Variants in LRRC3B observed in about 807,000 individuals in gnomAD.
LRRC3B encodes leucine rich repeat containing 3B, also known as leucine-rich repeat-containing protein 3B.
In LRRC3B, 2 loss-of-function variants were observed where a neutral mutation model predicts 12.8. The observed-to-expected ratio is 0.16, with a 90% CI of 0.06 to 0.49. LRRC3B has a LOEUF of 0.49. Among genes scored for constraint, LRRC3B ranks in the 20% least tolerant of loss-of-function variants. The pLI, the probability that LRRC3B is intolerant of heterozygous loss-of-function variation, is 0.96. For synonymous variants in LRRC3B, 132 were observed against 122.0 expected (o/e 1.08, Z -0.54); for missense variants, 189 against 319.4 (o/e 0.59, Z 3.11).
intron 1 of LRRC3B, among the ~76,000 whole-genome samples, chr3:26,695,600 T>G (rs2125453617): frequency 6.6e-6 from 1 of 152,286 alleles, no homozygotes; most frequent in African/African-American, 2.4e-5. Context: ...AAAAACAGGT[T>G]TATATACATG....
chr3:26,641,170 C>T (rs367576008), intron 1 of LRRC3B, among the ~76,000 whole-genome samples: 2 of 152,028 alleles, frequency 1.3e-5, no homozygotes, highest in African/African-American at 4.8e-5. Context: ...AAGAAGAAAT[C>T]GGGACTGGTG....
chr3:26,671,518 A>G (rs1055418423), intron 1 of LRRC3B, among the ~76,000 whole-genome samples: 3 of 149,116 alleles, frequency 2.0e-5, no homozygotes, highest in Non-Finnish European at 3.0e-5. Flanking sequence ...CAGCCTCCCA[A>G]GTAGCTGGGA....
chr3:26,643,071 G>T (rs1258444612), intron 1 of LRRC3B, among the ~76,000 whole-genome samples: 1 of 151,876 alleles, frequency 6.6e-6, no homozygotes, highest in Non-Finnish European at 1.5e-5. Context: ...TTTAGTCTGC[G>T]ATGTTCACAT....
At chr3:26,661,648 A>G (rs1699494289) in intron 1 of LRRC3B, among the ~76,000 whole-genome samples, 1 of 152,168 alleles carries the variant, frequency 6.6e-6, no homozygotes, top group Non-Finnish European at 1.5e-5. Context: ...TAAAACACTT[A>G]TGTCTTCCCC....
intron 1 of LRRC3B, among the ~76,000 whole-genome samples, chr3:26,631,480 A>C (rs1024533643): frequency 1.3e-5 from 2 of 152,202 alleles, no homozygotes; most frequent in South Asian, 2.1e-4. Flanking sequence ...GATCTGAAGA[A>C]TTTTTAAAGT....
rs1457492500 is a variant in LRRC3B at position 26,709,411 on chromosome 3, C to A, written c.-160-102C>A. The A allele has an allele frequency of 8.4e-6, 4 of 474,460 alleles. 1 individual carries two copies. In the South Asian group the frequency reaches 1.4e-4, roughly 16 times the overall value. 29.4% of individuals were successfully genotyped at this position (474,460 alleles called of 1,614,324 possible). ...TGATGGAAATTACCTGCATAACTAA[C>A]CCCCCTGCTCAAGCAGAATGCCAGA... On this transcript the variant is annotated intron_variant, in intron 1 of 1. Coordinates refer to ENST00000396641, the Ensembl canonical transcript of LRRC3B.
chr3:26,659,603 T>C (rs1296237344), intron 1 of LRRC3B, among the ~76,000 whole-genome samples: 1 of 152,236 alleles, frequency 6.6e-6, no homozygotes, highest in Non-Finnish European at 1.5e-5. Flanking sequence ...CCACTTTATA[T>C]TTCTTTAGTC....
At chr3:26,660,369 G>C (rs1228263011) in intron 1 of LRRC3B, among the ~76,000 whole-genome samples, 1 of 152,158 alleles carries the variant, frequency 6.6e-6, no homozygotes, top group East Asian at 1.9e-4. Flanking sequence ...TACACATGAT[G>C]ATAAGTCTTT....
chr3:26,648,800 G>A (rs530418253), intron 1 of LRRC3B, among the ~76,000 whole-genome samples: 10 of 152,318 alleles, frequency 6.6e-5, no homozygotes, highest in African/African-American at 2.4e-4. Flanking sequence ...TGAAGAATGG[G>A]CAGTTGCAAC....
chr3:26,701,391 C>A (rs926016214), intron 1 of LRRC3B: 5 of 152,302 alleles, frequency 3.3e-5, no homozygotes, highest in South Asian at 2.1e-4. Context: ...ACCCTCCCCC[C>A]ATGTGGCTCC....
chr3:26,678,251 T>C (rs1002654722), intron 1 of LRRC3B, among the ~76,000 whole-genome samples: 4 of 152,008 alleles, frequency 2.6e-5, no homozygotes, highest in African/African-American at 7.2e-5. Context: ...CCCAGCACTT[T>C]GGGAAGCTGA....
intron 1 of LRRC3B, among the ~76,000 whole-genome samples, chr3:26,696,123 T>TAACA (rs1256300426): frequency 2.0e-5 from 3 of 152,216 alleles, no homozygotes; most frequent in African/African-American, 7.2e-5. Context: ...TAAATAGATC[T>TAACA]AACATATAAC....
intron 1 of LRRC3B, among the ~76,000 whole-genome samples, chr3:26,652,075 A>G (rs1236374770): frequency 6.6e-6 from 1 of 152,178 alleles, no homozygotes; most frequent in Admixed American, 6.5e-5. Flanking sequence ...TGCCCCTACT[A>G]TAATTTTATT....
At chr3:26,682,082 CT>C (rs1699984136) in intron 1 of LRRC3B, among the ~76,000 whole-genome samples, 1 of 151,940 alleles carries the variant, frequency 6.6e-6, no homozygotes, top group Non-Finnish European at 1.5e-5. Context: ...GTCTCTCCCT[CT>C]CTCTCTCAGA....
chr3:26,676,815 A>T (rs1039183024), intron 1 of LRRC3B, among the ~76,000 whole-genome samples: 2 of 152,236 alleles, frequency 1.3e-5, no homozygotes. Flanking sequence ...ACTATTCACA[A>T]TAGCAAAGAC....
intron 1 of LRRC3B, among the ~76,000 whole-genome samples, chr3:26,671,011 C>CTTTTTTTTTTTTTTTTTTTTTTTTTTTT (rs762788262): frequency 1.0e-5 from 1 of 95,548 alleles, no homozygotes. Context: ...TCTCATGTAT[C>CTTTTTTTTTTTTTTTTTTTTTTTTTTTT]TTTTTTTTTT....
chr3:26,677,738 T>A (rs1699889647), intron 1 of LRRC3B, among the ~76,000 whole-genome samples: 1 of 152,210 alleles, frequency 6.6e-6, no homozygotes, highest in Non-Finnish European at 1.5e-5. Context: ...TTATTGTCAG[T>A]CAAAATTGAT....
chr3:26,649,425 A>T (rs529002008), intron 1 of LRRC3B, among the ~76,000 whole-genome samples: 1 of 152,016 alleles, frequency 6.6e-6, no homozygotes, highest in Non-Finnish European at 1.5e-5. Flanking sequence ...GAAATACTTT[A>T]TCAAGGAAGC....
intron 1 of LRRC3B, among the ~76,000 whole-genome samples, chr3:26,671,990 C>T (rs1468367172): frequency 1.3e-5 from 2 of 152,138 alleles, no homozygotes; most frequent in African/African-American, 4.8e-5. Context: ...GTAACAATGA[C>T]TCATTGTTAA....
Sources: gnomAD v4.1 joint callset for allele counts (sites outside exome capture counted in the v4.1 genomes callset) on GRCh38, gnomAD v4.1.1 for gene constraint, MANE v1.5 for transcripts, NCBI Gene and HGNC (gene_info 2026-07-23, HGNC 2026-07-21) for gene names.